Variants in COLEC10 observed in about 807,000 individuals in gnomAD.
COLEC10 encodes collectin-10.
COLEC10 carries 22 observed loss-of-function variants against 28.4 expected under a neutral mutation model. That is an observed-to-expected ratio of 0.78 (90% CI 0.55 to 1.11). COLEC10 has a LOEUF of 1.11. Among genes scored for constraint, COLEC10 ranks in the 50% least tolerant of loss-of-function variants. COLEC10 has a pLI of 0.00. For missense variants in COLEC10, 361 were observed against 344.1 expected (o/e 1.05, Z -0.39); for synonymous variants, 125 against 116.1 (o/e 1.08, Z -0.49).
At chr8:118,996,834 G>A (rs531964727) in intron 1 of COLEC10, among the ~76,000 whole-genome samples, 1 of 152,264 alleles carries the variant, frequency 6.6e-6, no homozygotes, top group East Asian at 1.9e-4. Flanking sequence ...AGGTAAAGTG[G>A]GAGCAGGCGT....
the COLEC10 span, among the ~76,000 whole-genome samples, chr8:118,959,300 A>T: frequency 2.6e-5 from 4 of 152,336 alleles, no homozygotes; most frequent in Middle Eastern, 6.8e-3. Flanking sequence ...TGGTCAAGTC[A>T]TTTGGGGCCT....
chr8:119,049,622 G>A (rs376527712), intron 2 of COLEC10, among the ~76,000 whole-genome samples: 22 of 151,948 alleles, frequency 1.4e-4, no homozygotes, highest in African/African-American at 5.1e-4. Flanking sequence ...CACCGTGTTA[G>A]CCAGGATTGT....
chr8:119,102,368 T>A lies in COLEC10; in HGVS notation c.313T>A (p.Leu105Met), dbSNP rs766752611. 3.1e-6 allele frequency: 5 copies of A among 1,609,370 alleles called. No individual in the cohort carries two copies. Among genetic ancestry groups the A allele is most frequent in the Non-Finnish European group, 4.2e-6 (5 of 1,177,374 alleles). The change falls in exon 4 of 6, where the codon TTG (leucine) becomes ATG (methionine). Residue 105 changes from leucine (L) to methionine (M), a missense_variant. Coordinates refer to ENST00000332843, the MANE Select transcript of COLEC10 (RefSeq NM_006438.5). ...GKKGDKGEKG[L>M]LGIPGEKGKA... Reference sequence around the variant, plus strand: ...TTCAGGTGACAAAGGGGAAAAAGGTTTGCTTGGAATACCTGGAGAAAAAGG... The same window carrying A: ...TTCAGGTGACAAAGGGGAAAAAGGTATGCTTGGAATACCTGGAGAAAAAGG...
At chr8:118,999,809 T>C (rs752864937) in intron 1 of COLEC10, among the ~76,000 whole-genome samples, 4 of 152,146 alleles carry the variant, frequency 2.6e-5, no homozygotes, top group Non-Finnish European at 5.9e-5. Flanking sequence ...GCAATGCTGA[T>C]AAAAGTAATT....
At chr8:119,018,645 G>A (rs1814035581) in intron 2 of COLEC10, among the ~76,000 whole-genome samples, 1 of 152,176 alleles carries the variant, frequency 6.6e-6, no homozygotes. Flanking sequence ...TTAGGTTGAT[G>A]TGTAATCAGA....
upstream of COLEC10, among the ~76,000 whole-genome samples, chr8:119,064,003 C>T (rs57379044): frequency 0.047 from 7,211 of 152,224 alleles, 264 homozygotes; most frequent in East Asian, 0.18. Context: ...TTTAAAACCA[C>T]GTTTTAAGGC....
chr8:119,025,733 C>T (rs932531521), intron 2 of COLEC10, among the ~76,000 whole-genome samples: 1 of 152,154 alleles, frequency 6.6e-6, no homozygotes, highest in Non-Finnish European at 1.5e-5. Context: ...AACCATATTG[C>T]TCTAGGTTCT....
upstream of COLEC10, among the ~76,000 whole-genome samples, chr8:118,990,759 C>G (rs1190310297): frequency 6.6e-6 from 1 of 151,858 alleles, no homozygotes; most frequent in Non-Finnish European, 1.5e-5. Flanking sequence ...CAGATGAGAC[C>G]ACTGAGAACT....
chr8:119,078,161 C>T (rs1321006743), intron 1 of COLEC10, among the ~76,000 whole-genome samples: 1 of 152,182 alleles, frequency 6.6e-6, no homozygotes, highest in Non-Finnish European at 1.5e-5. Context: ...AGGGGGATTA[C>T]ATTTCAGCAT....
At chr8:119,074,639 G>A (rs115431250) in intron 1 of COLEC10, among the ~76,000 whole-genome samples, 2,026 of 152,190 alleles carry the variant, frequency 0.013, 45 homozygotes, top group African/African-American at 0.045. Context: ...ACATACCAGG[G>A]AAAGACTGCT....
chr8:119,079,940 T>C (rs1045286909), intron 1 of COLEC10, among the ~76,000 whole-genome samples: 8 of 152,132 alleles, frequency 5.3e-5, no homozygotes, highest in African/African-American at 1.7e-4. Flanking sequence ...CATATTGACA[T>C]TGATATTTTT....
chr8:118,966,843 A>G, the COLEC10 span, among the ~76,000 whole-genome samples: 1 of 152,128 alleles, frequency 6.6e-6, no homozygotes. Flanking sequence ...AAAGGATCAC[A>G]GGAGGCTGGC....
chr8:119,106,461 C>G lies in COLEC10; in HGVS notation c.*270C>G. On this transcript the variant is annotated 3_prime_UTR_variant, in exon 6 of 6. Coordinates refer to ENST00000332843, the MANE Select transcript of COLEC10 (RefSeq NM_006438.5). ...AATTGTGCACGAGATAGTTGGTTGT[C>G]TATATGTCAAATGAGTTGTTCTCTT... The G allele has an allele frequency of 3.0e-6, 1 of 335,334 alleles. No individual in the cohort carries two copies. The allele number at this position is 335,334 out of a possible 1,614,324, so 20.8% of individuals were successfully genotyped here. A position where few individuals can be genotyped will look rare whatever the true frequency, so the allele number is the denominator to read the frequency against.
At chr8:119,090,713 G>A (rs550751945) in intron 2 of COLEC10, among the ~76,000 whole-genome samples, 28 of 152,278 alleles carry the variant, frequency 1.8e-4, no homozygotes, top group Non-Finnish European at 3.2e-4. Flanking sequence ...TTTTATGACT[G>A]CATGTTCCCC....
In COLEC10 at chr8:119,106,329, C is replaced by T. The variant is rs945610799; in HGVS notation, c.*138C>T. 2 of 785,908 alleles carry T rather than the reference C, an allele frequency of 2.5e-6. No homozygotes were observed. Among genetic ancestry groups the T allele is most frequent in the Non-Finnish European group, 4.0e-6 (2 of 496,836 alleles). The allele number at this position is 785,908 out of a possible 1,614,324, so 48.7% of individuals were successfully genotyped here. A position where few individuals can be genotyped will look rare whatever the true frequency, so the allele number is the denominator to read the frequency against. ...AATGCTAAACTGAGGTATGGAGCCT[C>T]CATCATCATGCTCTTTTGTGATGAT... On this transcript the variant is annotated 3_prime_UTR_variant, in exon 6 of 6. Coordinates refer to ENST00000332843, the MANE Select transcript of COLEC10 (RefSeq NM_006438.5).
chr8:119,073,424 G>A (rs1815163435), intron 1 of COLEC10, among the ~76,000 whole-genome samples: 1 of 152,106 alleles, frequency 6.6e-6, no homozygotes, highest in Admixed American at 6.5e-5. Flanking sequence ...TTCTTTTCTG[G>A]TAACTATCAG....
the COLEC10 span, among the ~76,000 whole-genome samples, chr8:118,954,588 G>A: frequency 6.6e-6 from 1 of 152,224 alleles, no homozygotes; most frequent in Admixed American, 6.5e-5. Flanking sequence ...TAAGCAGAAT[G>A]TTCCGTAACT....
rs181495076 is a variant in COLEC10, at chr8:119,090,604, T to A, written c.221-545T>A. Among the ~76,000 whole-genome samples the A allele has an allele frequency of 1.2e-4, 18 of 152,322 alleles. 1 individual carries two copies. Among genetic ancestry groups the A allele is most frequent in the Non-Finnish European group, 1.3e-4 (9 of 68,024 alleles). ...TTGGCAAATATTTTTTAGACTTTTA[T>A]AAAAAGAAATAGCATTGGAAGAGCT... On this transcript the variant is annotated intron_variant, in intron 2 of 5. Coordinates refer to ENST00000332843, the MANE Select transcript of COLEC10 (RefSeq NM_006438.5).
chr8:119,031,910 G>T lies in COLEC10; in HGVS notation n.235+22357G>T, dbSNP rs574124310. 6.5e-3 allele frequency among the ~76,000 whole-genome samples: 985 copies of T among 150,880 alleles called. 2 individuals are homozygous for T. The highest frequency in any genetic ancestry group is 0.012 in the Admixed American group (183 of 15,134). ...TGGAAAATAGTGCCTTAATAAAATA[G>T]TAACTAAAATTAATTTGGTACTTTT... is the stretch of plus-strand genomic sequence containing the variant. On this transcript the variant is annotated intron_variant and non_coding_transcript_variant, in intron 2 of 6. Coordinates refer to the COLEC10 transcript ENST00000521788.
Sources: allele counts gnomAD v4.1 joint callset (sites outside exome capture counted in the v4.1 genomes callset), GRCh38; gene constraint gnomAD v4.1.1; transcripts MANE v1.5; gene names NCBI Gene and HGNC (gene_info 2026-07-23, HGNC 2026-07-21).